Variants in QTMAN observed in about 807,000 individuals in gnomAD.
QTMAN encodes the protein queuosine-tRNA mannosyltransferase, also known as tRNA-queuosine alpha-mannosyltransferase.
chr2:144,138,844 T>G, the QTMAN span, among the ~76,000 whole-genome samples: 1 of 152,054 alleles, frequency 6.6e-6, no homozygotes, highest in African/African-American at 2.4e-5. Flanking sequence ...GCTTGCCAGG[T>G]AGTCAAAGGG....
chr2:144,176,590 A>G, the QTMAN span, among the ~76,000 whole-genome samples: 1 of 152,184 alleles, frequency 6.6e-6, no homozygotes, highest in Non-Finnish European at 1.5e-5. Context: ...GCTCAACACC[A>G]TCATCCAAAA....
the QTMAN span, among the ~76,000 whole-genome samples, chr2:144,062,497 G>A: frequency 1.3e-5 from 2 of 152,280 alleles, no homozygotes; most frequent in African/African-American, 2.4e-5. Flanking sequence ...TACATGAGAA[G>A]CTTTTAAAAT....
chr2:144,322,812 G>A, the QTMAN span, among the ~76,000 whole-genome samples: 1 of 152,116 alleles, frequency 6.6e-6, no homozygotes, highest in East Asian at 1.9e-4. Context: ...CCATAATTTT[G>A]TAACACTGGT....
the QTMAN span, among the ~76,000 whole-genome samples, chr2:144,025,725 A>G: frequency 1.3e-5 from 2 of 152,184 alleles, no homozygotes; most frequent in Non-Finnish European, 2.9e-5. Flanking sequence ...AGTGCCACAC[A>G]AAAGACCCAA....
At chr2:144,010,866 C>T in the QTMAN span, among the ~76,000 whole-genome samples, 1 of 151,872 alleles carries the variant, frequency 6.6e-6, no homozygotes, top group Non-Finnish European at 1.5e-5. Context: ...CCAGGAGTAA[C>T]GGGATGAAAT....
chr2:144,307,229 A>G, the QTMAN span, among the ~76,000 whole-genome samples: 56 of 145,206 alleles, frequency 3.9e-4, no homozygotes, highest in Admixed American at 9.5e-4. Flanking sequence ...CACCCTATAG[A>G]TGGCAAAAAA....
chr2:144,109,695 GA>G, the QTMAN span, among the ~76,000 whole-genome samples: 12 of 143,824 alleles, frequency 8.3e-5, no homozygotes, highest in East Asian at 2.1e-4. Flanking sequence ...AAATTTACAA[GA>G]AAAAAAAAAC....
At chr2:144,210,002 A>C in the QTMAN span, among the ~76,000 whole-genome samples, 2 of 148,362 alleles carry the variant, frequency 1.3e-5, no homozygotes, top group Non-Finnish European at 3.0e-5. Context: ...TTGATGTCTA[A>C]ATTTTCCAAT....
At chr2:143,965,621 G>A in the QTMAN span, among the ~76,000 whole-genome samples, 8,323 of 152,170 alleles carry the variant, frequency 0.055, 307 homozygotes, top group East Asian at 0.16. Flanking sequence ...ATTATTTGCC[G>A]TGGGGGCTGT....
At chr2:144,104,640 T>A in the QTMAN span, among the ~76,000 whole-genome samples, 6 of 152,266 alleles carry the variant, frequency 3.9e-5, no homozygotes, top group African/African-American at 1.4e-4. Context: ...CCAAGGCAGC[T>A]CAAGGAGGCC....
chr2:144,168,323 A>G, the QTMAN span, among the ~76,000 whole-genome samples: 3 of 152,236 alleles, frequency 2.0e-5, no homozygotes, highest in Admixed American at 1.3e-4. Context: ...TTTATAAAAC[A>G]ACACCATCTT....
chr2:143,974,736 TCTTTAATAAACATTTTTATAGAAATCA>T, the QTMAN span, among the ~76,000 whole-genome samples: 1 of 152,196 alleles, frequency 6.6e-6, no homozygotes, highest in Non-Finnish European at 1.5e-5. Context: ...TTCTATTGTT[TCTTTAATAAACATTTTTATAGAAATCA>T]CTTTAATGCT....
chr2:144,219,926 G>C, the QTMAN span, among the ~76,000 whole-genome samples: 12 of 152,188 alleles, frequency 7.9e-5, no homozygotes, highest in African/African-American at 2.9e-4. Context: ...GGTATTCAAA[G>C]TATTCAGTAA....
the QTMAN span, among the ~76,000 whole-genome samples, chr2:144,124,352 C>T: frequency 6.6e-6 from 1 of 152,266 alleles, no homozygotes; most frequent in Non-Finnish European, 1.5e-5. Context: ...ACTTTATCTT[C>T]TCATATGTAA....
the QTMAN span, among the ~76,000 whole-genome samples, chr2:144,331,142 C>T: frequency 1.1e-4 from 17 of 152,116 alleles, no homozygotes; most frequent in Admixed American, 7.9e-4. Flanking sequence ...TCATTAAATA[C>T]AGTACAGGAC....
chr2:144,021,235 G>T, the QTMAN span, among the ~76,000 whole-genome samples: 1 of 152,092 alleles, frequency 6.6e-6, no homozygotes. Context: ...AGAGAGCAAG[G>T]GAAGTCACAT....
chr2:144,013,056 T>C, the QTMAN span, among the ~76,000 whole-genome samples: 2 of 152,146 alleles, frequency 1.3e-5, no homozygotes, highest in African/African-American at 2.4e-5. Context: ...ACTGATTCCA[T>C]GGGACACATG....
the QTMAN span, among the ~76,000 whole-genome samples, chr2:144,016,052 A>T: frequency 2.0e-5 from 3 of 152,180 alleles, no homozygotes; most frequent in Non-Finnish European, 4.4e-5. Context: ...ACGTTGAGTA[A>T]CACTACATTC....
At chr2:144,093,319 A>T in the QTMAN span, among the ~76,000 whole-genome samples, 18 of 152,372 alleles carry the variant, frequency 1.2e-4, no homozygotes, top group Admixed American at 6.5e-4. Flanking sequence ...CTGCTGTGAC[A>T]TAAAAGAGTA....
Sources: gnomAD v4.1 joint callset for allele counts (sites outside exome capture counted in the v4.1 genomes callset) on GRCh38, gnomAD v4.1.1 for gene constraint, MANE v1.5 for transcripts, NCBI Gene and HGNC (gene_info 2026-07-23, HGNC 2026-07-21) for gene names.